The following ARHGAP15 variants were observed in gnomAD, a reference collection of about 807,000 sequenced individuals.
ARHGAP15 encodes rho GTPase-activating protein 15.
Under a neutral mutation model 63.7 loss-of-function variants are expected in ARHGAP15, and 51 were observed. That is an observed-to-expected ratio of 0.80 (90% CI 0.64 to 1.01). ARHGAP15 has a LOEUF of 1.01. ARHGAP15 is among the 50% of genes least tolerant of loss of function. ARHGAP15 has a pLI of 0.00. For synonymous variants in ARHGAP15, 191 were observed against 193.8 expected (o/e 0.99, Z 0.12); for missense variants, 560 against 564.6 (o/e 0.99, Z 0.08).
chr2:143,306,446 A>AT (rs1683174585), intron 6 of ARHGAP15, among the ~76,000 whole-genome samples: 1 of 152,164 alleles, frequency 6.6e-6, no homozygotes, highest in Admixed American at 6.6e-5. Flanking sequence ...TAACCCACAC[A>AT]TATCGATTAT....
chr2:143,497,933 C>G (rs1438336947), intron 9 of ARHGAP15, among the ~76,000 whole-genome samples: 1 of 152,144 alleles, frequency 6.6e-6, no homozygotes, highest in African/African-American at 2.4e-5. Flanking sequence ...TAGTACATGT[C>G]AGAGCTCTCA....
chr2:143,515,657 C>A (rs1328278495), intron 9 of ARHGAP15, among the ~76,000 whole-genome samples: 1 of 152,170 alleles, frequency 6.6e-6, no homozygotes, highest in East Asian at 1.9e-4. Flanking sequence ...TTGACCAGAG[C>A]TATCTAATCA....
intron 11 of ARHGAP15, among the ~76,000 whole-genome samples, chr2:143,606,355 A>G (rs1368213292): frequency 1.3e-5 from 2 of 152,164 alleles, no homozygotes; most frequent in South Asian, 4.1e-4. Flanking sequence ...TTTTCCCCAG[A>G]TTGTTGTGAT....
At chr2:143,680,001 C>T (rs1683022598) in intron 12 of ARHGAP15, among the ~76,000 whole-genome samples, 1 of 123,412 alleles carries the variant, frequency 8.1e-6, no homozygotes, top group East Asian at 2.2e-4. Context: ...GCAAGTGTTT[C>T]TGGTCCATAA....
chr2:143,763,865 G>A (rs2105555971), intron 13 of ARHGAP15, among the ~76,000 whole-genome samples: 1 of 149,914 alleles, frequency 6.7e-6, no homozygotes. Flanking sequence ...CAGATAGCCT[G>A]TGTTCTATAT....
At chr2:143,407,208 CTTAGT>C (rs1688235449) in intron 6 of ARHGAP15, among the ~76,000 whole-genome samples, 1 of 151,740 alleles carries the variant, frequency 6.6e-6, no homozygotes, top group Non-Finnish European at 1.5e-5. Flanking sequence ...TCATTGTTTT[CTTAGT>C]TTAATCTCTT....
At chr2:143,137,310 T>C (rs563095641) in intron 1 of ARHGAP15, among the ~76,000 whole-genome samples, 2 of 152,158 alleles carry the variant, frequency 1.3e-5, no homozygotes, top group Non-Finnish European at 2.9e-5. Context: ...GGTAGGTGTA[T>C]GATAATATCA....
intron 11 of ARHGAP15, chr2:143,587,953 C>T (rs1697173593): frequency 4.8e-6 from 1 of 207,688 alleles, no homozygotes; most frequent in Non-Finnish European, 1.0e-5. Flanking sequence ...TAACTGGACT[C>T]ACCTTCCTTA....
intron 11 of ARHGAP15, among the ~76,000 whole-genome samples, chr2:143,622,371 AG>A (rs1287754032): frequency 1.3e-5 from 2 of 152,124 alleles, no homozygotes; most frequent in African/African-American, 2.4e-5. Context: ...CCATAGTGAG[AG>A]GGACATTTCA....
intron 12 of ARHGAP15, among the ~76,000 whole-genome samples, chr2:143,684,008 A>G (rs1460848280): frequency 6.6e-6 from 1 of 152,222 alleles, no homozygotes; most frequent in Non-Finnish European, 1.5e-5. Context: ...TATATTGAAG[A>G]AGAAAACTTA....
intron 13 of ARHGAP15, among the ~76,000 whole-genome samples, chr2:143,708,645 T>C (rs893821499): frequency 4.6e-5 from 7 of 151,974 alleles, no homozygotes; most frequent in African/African-American, 1.5e-4. Flanking sequence ...ACCCTCCAAG[T>C]GATAGTTTGC....
intron 9 of ARHGAP15, among the ~76,000 whole-genome samples, chr2:143,493,082 A>G (rs1692659039): frequency 1.3e-5 from 2 of 152,000 alleles, no homozygotes; most frequent in South Asian, 2.1e-4. Flanking sequence ...AAAACCATCA[A>G]TTAATCAATC....
At chr2:143,590,631 A>C (rs1574672842) in intron 11 of ARHGAP15, among the ~76,000 whole-genome samples, 1 of 152,052 alleles carries the variant, frequency 6.6e-6, no homozygotes, top group African/African-American at 2.4e-5. Context: ...ATGGAATCTA[A>C]GTGCTGATTA....
At chr2:143,240,716 A>C (rs1441607402) in intron 5 of ARHGAP15, among the ~76,000 whole-genome samples, 1 of 152,216 alleles carries the variant, frequency 6.6e-6, no homozygotes, top group Non-Finnish European at 1.5e-5. Flanking sequence ...GTTACAGTTC[A>C]AAATCTGGAG....
At chr2:143,236,018 A>G (rs1364498162) in intron 5 of ARHGAP15, 1 of 1,535,110 alleles carries the variant, frequency 6.5e-7, no homozygotes, top group Non-Finnish European at 8.8e-7. Context: ...TTTTTGGTTA[A>G]ACAAAACCCA....
chr2:143,768,114 A>C lies in ARHGAP15; in HGVS notation c.1370A>C (p.Gln457Pro), dbSNP rs1186925683. ...NMAIHMVYQNQIAELMLSEYS... is the reference protein window; with the variant it reads ...NMAIHMVYQNPIAELMLSEYS... Reference sequence around the variant, plus strand: ...GCGATCCACATGGTCTACCAGAACCAGATAGCTGAGCTCATGCTGAGTGAG... The same window carrying C: ...GCGATCCACATGGTCTACCAGAACCCGATAGCTGAGCTCATGCTGAGTGAG... Residue 457 changes from glutamine (Q) to proline (P), a missense_variant, in exon 14 of 14, where the codon CAG becomes CCG. Coordinates refer to ENST00000295095, the MANE Select transcript of ARHGAP15 (RefSeq NM_018460.4). The C allele has an allele frequency of 6.2e-7, 1 of 1,613,896 alleles. No homozygotes were observed. Among genetic ancestry groups the C allele is most frequent in the Non-Finnish European group, 8.5e-7 (1 of 1,179,810 alleles).
intron 6 of ARHGAP15, among the ~76,000 whole-genome samples, chr2:143,333,731 A>G (rs1684649943): frequency 6.6e-6 from 1 of 152,154 alleles, no homozygotes; most frequent in South Asian, 2.1e-4. Flanking sequence ...GCTTTGAACA[A>G]ACTGCTGCAA....
chr2:143,141,212 G>T (rs10173270), intron 1 of ARHGAP15, among the ~76,000 whole-genome samples: 30,105 of 152,030 alleles, frequency 0.2, 3,256 homozygotes, highest in East Asian at 0.32. Flanking sequence ...TTCTAATCTT[G>T]GTGGCAAACT....
intron 6 of ARHGAP15, among the ~76,000 whole-genome samples, chr2:143,359,409 TC>T (rs1685946170): frequency 6.6e-6 from 1 of 152,156 alleles, no homozygotes. Flanking sequence ...TTTCATAATT[TC>T]CCCCTTTTTC....
Sources: gnomAD v4.1 joint callset for allele counts (sites outside exome capture counted in the v4.1 genomes callset) on GRCh38, gnomAD v4.1.1 for gene constraint, MANE v1.5 for transcripts, NCBI Gene and HGNC (gene_info 2026-07-23, HGNC 2026-07-21) for gene names.